The following PRPF18 variants were observed in gnomAD, a reference collection of about 807,000 sequenced individuals.
PRPF18 encodes the protein pre-mRNA processing factor 18, also known as pre-mRNA-splicing factor 18.
In PRPF18, 38 loss-of-function variants were observed where a neutral mutation model predicts 46.5. The observed-to-expected ratio is 0.82, with a 90% CI of 0.63 to 1.07. The LOEUF (loss-of-function observed/expected upper bound fraction) is 1.07, where lower values mean the gene tolerates loss of function less well. PRPF18 is among the 50% of genes least tolerant of loss of function. The pLI is 0.00. For missense variants in PRPF18, 263 were observed against 410.0 expected (o/e 0.64, Z 3.10); for synonymous variants, 152 against 146.7 (o/e 1.04, Z -0.26).
At chr10:13,633,913 A>T (rs1315044045), downstream of PRPF18, among the ~76,000 whole-genome samples, 1 of 152,200 alleles carries the variant, frequency 6.6e-6, no homozygotes, top group Admixed American at 6.5e-5. Flanking sequence ...TGCTATGGGA[A>T]CACTGTTATG....
intron 9 of PRPF18, among the ~76,000 whole-genome samples, chr10:13,622,353 C>T (rs2080432207): frequency 1.3e-5 from 2 of 152,206 alleles, no homozygotes; most frequent in South Asian, 4.1e-4. Flanking sequence ...TAAACTGGGC[C>T]ATGCTGCTTT....
At chr10:13,590,572 T>C (rs2079945541) in intron 1 of PRPF18, among the ~76,000 whole-genome samples, 1 of 147,942 alleles carries the variant, frequency 6.8e-6, no homozygotes, top group African/African-American at 2.5e-5. Context: ...AGTGAGCTGA[T>C]ATTGTGCCAC....
intron 3 of PRPF18, among the ~76,000 whole-genome samples, chr10:13,601,416 T>C (rs1451355672): frequency 6.6e-6 from 1 of 152,240 alleles, no homozygotes; most frequent in East Asian, 1.9e-4. Context: ...AATCAAGTGA[T>C]ATAAAGAAAT....
At chr10:13,598,766 T>C (rs963337139) in intron 2 of PRPF18, among the ~76,000 whole-genome samples, 1 of 152,202 alleles carries the variant, frequency 6.6e-6, no homozygotes, top group Non-Finnish European at 1.5e-5. Flanking sequence ...CCCAGTGTTG[T>C]CTAACACACA....
At chr10:13,646,956 C>CT in the PRPF18 span, 1 of 982,870 alleles carries the variant, frequency 1.0e-6, no homozygotes, top group Non-Finnish European at 1.2e-6. Flanking sequence ...CCGGGCTTGG[C>CT]TTTTTCCTGC....
intron 1 of PRPF18, chr10:13,591,872 T>G (rs1296845854): frequency 7.0e-7 from 1 of 1,423,952 alleles, no homozygotes. Flanking sequence ...GTGAGGATGA[T>G]CAGAACGTTC....
chr10:13,609,214 C>T (rs527639144), intron 4 of PRPF18, among the ~76,000 whole-genome samples: 63 of 152,266 alleles, frequency 4.1e-4, no homozygotes, highest in African/African-American at 1.4e-3. Context: ...TTGATGTTTG[C>T]GAGGTTCTGG....
At chr10:13,648,537 G>A in the PRPF18 span, 2 of 152,290 alleles carry the variant, frequency 1.3e-5, no homozygotes, top group Admixed American at 1.3e-4. Flanking sequence ...GCCAATGAGA[G>A]TCCCCCGATC....
chr10:13,605,772 A>G, intron 4 of PRPF18, 28 bp downstream of exon 4: 1 of 1,598,866 alleles, frequency 6.3e-7, no homozygotes, highest in Non-Finnish European at 8.5e-7. Context: ...AGCTAGAAAA[A>G]TACCACTGTA....
downstream of PRPF18, among the ~76,000 whole-genome samples, chr10:13,634,329 T>C (rs2080616192): frequency 6.6e-6 from 1 of 152,162 alleles, no homozygotes; most frequent in African/African-American, 2.4e-5. Flanking sequence ...TCCTCAACTT[T>C]TTCTCACAGT....
chr10:13,609,956 A>T, intron 4 of PRPF18, 83 bp from the exon 5 acceptor site: 3 of 1,383,892 alleles, frequency 2.2e-6, no homozygotes, highest in Non-Finnish European at 3.0e-6. Context: ...AAATATTTGC[A>T]GTTATTAATG....
chr10:13,592,187 G>T, intron 1 of PRPF18: 1 of 622,916 alleles, frequency 1.6e-6, no homozygotes, highest in Admixed American at 1.9e-5. Context: ...GGACAGGGTT[G>T]TGCTGCAATG....
intron 1 of PRPF18, among the ~76,000 whole-genome samples, chr10:13,590,162 A>G (rs1196316232): frequency 2.0e-5 from 3 of 151,854 alleles, no homozygotes; most frequent in Non-Finnish European, 4.4e-5. Context: ...TTTATAATTT[A>G]TAATATATAA....
chr10:13,626,628 T>A (rs565206066), intron 9 of PRPF18, among the ~76,000 whole-genome samples: 1 of 152,086 alleles, frequency 6.6e-6, no homozygotes, highest in Non-Finnish European at 1.5e-5. Context: ...TCAGGAGATA[T>A]CACTAATATC....
At chr10:13,636,590 A>T in the PRPF18 span, among the ~76,000 whole-genome samples, 1 of 152,302 alleles carries the variant, frequency 6.6e-6, no homozygotes, top group Non-Finnish European at 1.5e-5. Context: ...AAATTTTCTT[A>T]TTGGCAGTAT....
At chr10:13,587,963 G>T (rs1239049516) in intron 1 of PRPF18, among the ~76,000 whole-genome samples, 1 of 152,088 alleles carries the variant, frequency 6.6e-6, no homozygotes, top group African/African-American at 2.4e-5. Context: ...AGGAAAACCC[G>T]AGGCTTTGTT....
At chr10:13,622,887 C>G (rs1333660756) in intron 9 of PRPF18, among the ~76,000 whole-genome samples, 2 of 152,104 alleles carry the variant, frequency 1.3e-5, no homozygotes, top group African/African-American at 4.8e-5. Flanking sequence ...TCAGTTTTAA[C>G]AATATATTTG....
At chr10:13,647,547 C>T in the PRPF18 span, 1 of 152,024 alleles carries the variant, frequency 6.6e-6, no homozygotes, top group Non-Finnish European at 1.5e-5. Flanking sequence ...TTTATTCTGT[C>T]CTGGAAGAAC....
At chr10:13,596,994 A>G (rs2080044442) in intron 1 of PRPF18, among the ~76,000 whole-genome samples, 1 of 152,204 alleles carries the variant, frequency 6.6e-6, no homozygotes, top group Admixed American at 6.5e-5. Flanking sequence ...AGGTAACAAG[A>G]AAGAACTTAC....
Sources: allele counts gnomAD v4.1 joint callset (sites outside exome capture counted in the v4.1 genomes callset), GRCh38; gene constraint gnomAD v4.1.1; transcripts MANE v1.5; gene names NCBI Gene and HGNC (gene_info 2026-07-23, HGNC 2026-07-21).